Variants in PPP1R21 observed in about 807,000 individuals in gnomAD.
The protein encoded by PPP1R21 is protein phosphatase 1 regulatory subunit 21.
PPP1R21 carries 85 observed loss-of-function variants against 112.8 expected under a neutral mutation model. The ratio of observed to expected loss-of-function variants is 0.75; its 90% CI spans 0.63 to 0.90. The LOEUF (loss-of-function observed/expected upper bound fraction) is 0.90, where lower values mean the gene tolerates loss of function less well. Among genes scored for constraint, PPP1R21 ranks in the 40% least tolerant of loss-of-function variants. PPP1R21 has a pLI of 0.00. For synonymous variants in PPP1R21, 381 were observed against 322.3 expected (o/e 1.18, Z -1.95); for missense variants, 1,199 against 901.5 (o/e 1.33, Z -4.23).
chr2:48,484,768 G>A (rs1351661981), intron 13 of PPP1R21, among the ~76,000 whole-genome samples: 2 of 152,218 alleles, frequency 1.3e-5, no homozygotes, highest in South Asian at 2.1e-4. Flanking sequence ...TGCCCACGTC[G>A]GTCTCCCAAA....
intron 11 of PPP1R21, among the ~76,000 whole-genome samples, chr2:48,474,385 CA>C (rs1558466812): frequency 6.6e-6 from 1 of 151,944 alleles, no homozygotes; most frequent in African/African-American, 2.4e-5. Context: ...CCGTCTCAAA[CA>C]AAAAAGAAAA....
intron 11 of PPP1R21, 24 bp downstream of exon 11, chr2:48,471,391 A>G (rs753341876): frequency 6.3e-7 from 1 of 1,583,910 alleles, no homozygotes; most frequent in Non-Finnish European, 8.6e-7. Flanking sequence ...GAGGCCAGGG[A>G]ACTTGGGGAA....
intron 16 of PPP1R21, among the ~76,000 whole-genome samples, chr2:48,498,102 T>C (rs914475698): frequency 2.0e-5 from 3 of 152,172 alleles, no homozygotes; most frequent in Non-Finnish European, 4.4e-5. Flanking sequence ...CTTGTTCAAG[T>C]TTTTTGTTGG....
intron 12 of PPP1R21, among the ~76,000 whole-genome samples, chr2:48,477,926 A>G (rs1054552602): frequency 1.3e-5 from 2 of 152,194 alleles, no homozygotes; most frequent in African/African-American, 2.4e-5. Context: ...TCATCAAATT[A>G]AGATGAGGTC....
At chr2:48,454,797 C>A in intron 3 of PPP1R21, 56 bp downstream of exon 3, 1 of 1,353,918 alleles carries the variant, frequency 7.4e-7, no homozygotes, top group Non-Finnish European at 1.1e-6. Context: ...CTGACACCTA[C>A]AGGGCATCCT....
At chr2:48,481,738 A>T (rs1187066217) in intron 13 of PPP1R21, among the ~76,000 whole-genome samples, 2 of 152,202 alleles carry the variant, frequency 1.3e-5, no homozygotes, top group African/African-American at 2.4e-5. Flanking sequence ...AAATAAAAAA[A>T]AAATAAATTT....
chr2:48,442,180 A>G (rs777362921), intron 1 of PPP1R21, among the ~76,000 whole-genome samples: 1 of 152,232 alleles, frequency 6.6e-6, no homozygotes, highest in Non-Finnish European at 1.5e-5. Context: ...TTGAAGGGCC[A>G]GAAGTTGTTT....
Position 48,498,638 on chromosome 2 carries a change from T to G in PPP1R21, c.1838T>G (p.Val613Gly), listed in dbSNP as rs529628311. Residue 613 changes from valine (V) to glycine (G), a missense_variant, in exon 17 of 22, where the codon GTT becomes GGT. Coordinates refer to ENST00000294952, the MANE Select transcript of PPP1R21 (RefSeq NM_001135629.3). ...KLKNTGSAQL[V>G]GLAQENAAVS... ...AAGAATACAGGTAGTGCCCAGCTGG[T>G]TGGGCTGGCCCAGGAAAATGCTGCT... The G allele has an allele frequency of 1.2e-6, 2 of 1,614,232 alleles. No individual in the cohort carries two copies. The highest frequency in any genetic ancestry group is 4.5e-5 in the East Asian group (2 of 44,880).
At chr2:48,463,466 G>T (rs1305913410) in intron 7 of PPP1R21, among the ~76,000 whole-genome samples, 1 of 152,148 alleles carries the variant, frequency 6.6e-6, no homozygotes, top group Non-Finnish European at 1.5e-5. Flanking sequence ...GTGGACACTA[G>T]ATTGCCAGCA....
At chr2:48,508,264 T>C (rs1238343741) in intron 19 of PPP1R21, among the ~76,000 whole-genome samples, 2 of 152,200 alleles carry the variant, frequency 1.3e-5, no homozygotes, top group African/African-American at 4.8e-5. Flanking sequence ...TGAAACTTTA[T>C]ATTAAAAAGT....
chr2:48,451,102 G>C (rs1374063362), intron 2 of PPP1R21, 26 bp downstream of exon 2: 2 of 1,595,140 alleles, frequency 1.3e-6, no homozygotes, highest in Non-Finnish European at 8.6e-7. Flanking sequence ...TTTGTGTTGT[G>C]AGGGTTAAGT....
intron 21 of PPP1R21, among the ~76,000 whole-genome samples, chr2:48,514,107 C>T (rs1670762782): frequency 1.5e-5 from 2 of 129,988 alleles, no homozygotes; most frequent in Non-Finnish European, 3.1e-5. Context: ...GAGACAGAGT[C>T]TTGTTGCTCC....
chr2:48,492,314 A>C (rs1669603411), intron 15 of PPP1R21, among the ~76,000 whole-genome samples: 1 of 151,258 alleles, frequency 6.6e-6, no homozygotes, highest in Non-Finnish European at 1.5e-5. Context: ...TCCTTCCTTC[A>C]CTTTTCTTTT....
intron 13 of PPP1R21, among the ~76,000 whole-genome samples, chr2:48,483,226 A>C (rs755287395): frequency 1.7e-5 from 2 of 120,612 alleles, no homozygotes; most frequent in Admixed American, 9.2e-5. Context: ...TTTTGAGACA[A>C]GTCTCACTCT....
At chr2:48,508,153 C>T (rs1670475563) in intron 19 of PPP1R21, among the ~76,000 whole-genome samples, 1 of 151,038 alleles carries the variant, frequency 6.6e-6, no homozygotes, top group African/African-American at 2.4e-5. Context: ...ATTAAGGGGG[C>T]AAATGAAGAG....
intron 7 of PPP1R21, 145 bp downstream of exon 7, chr2:48,461,377 C>T (rs1004316685): frequency 5.5e-5 from 68 of 1,236,464 alleles, no homozygotes; most frequent in Admixed American, 5.1e-4. Context: ...TTTGATCAGC[C>T]GTGGTAATCA....
chr2:48,487,578 CA>C (rs1669362487), intron 14 of PPP1R21, among the ~76,000 whole-genome samples: 1 of 151,578 alleles, frequency 6.6e-6, no homozygotes. Flanking sequence ...GCCTCAGCAA[CA>C]TGTCAAGACC....
intron 9 of PPP1R21, among the ~76,000 whole-genome samples, chr2:48,468,799 A>G (rs964928342): frequency 1.3e-5 from 2 of 151,154 alleles, no homozygotes; most frequent in Non-Finnish European, 2.9e-5. Flanking sequence ...TGGGCAACAG[A>G]GTGAGACCCT....
intron 14 of PPP1R21, among the ~76,000 whole-genome samples, chr2:48,489,994 G>A (rs1490507755): frequency 5.3e-5 from 8 of 152,030 alleles, no homozygotes; most frequent in East Asian, 1.9e-4. Context: ...GCAGTGAGCC[G>A]AGATCGTGCC....
Sources: allele counts gnomAD v4.1 joint callset (sites outside exome capture counted in the v4.1 genomes callset), GRCh38; gene constraint gnomAD v4.1.1; transcripts MANE v1.5; gene names NCBI Gene and HGNC (gene_info 2026-07-23, HGNC 2026-07-21).